UPRT: variants seen among roughly 807,000 people sequenced by gnomAD.
The protein encoded by UPRT is uracil phosphoribosyltransferase homolog.
Under a neutral mutation model 22.6 loss-of-function variants are expected in UPRT, and 5 were observed. That is an observed-to-expected ratio of 0.22 (90% CI 0.12 to 0.47). The LOEUF (loss-of-function observed/expected upper bound fraction) is 0.47, where lower values mean the gene tolerates loss of function less well. Ranked by LOEUF, UPRT falls within the 20% of genes least tolerant of loss-of-function variation. The pLI is 0.99. For synonymous variants in UPRT, 77 were observed against 87.7 expected (o/e 0.88, Z 0.68); for missense variants, 181 against 239.9 (o/e 0.75, Z 1.62).
At chrX:75,178,350 C>A (rs746985648) in intron 4 of UPRT, among the ~76,000 whole-genome samples, 9 of 111,731 alleles carry the variant, frequency 8.1e-5, no homozygotes, top group Non-Finnish European at 1.7e-4. Flanking sequence ...CACTGCTTGG[C>A]GATAGGCGAA....
chrX:75,292,485 T>C (rs1470285125), intron 1 of UPRT, among the ~76,000 whole-genome samples: 2 of 111,986 alleles, frequency 1.8e-5, no homozygotes, highest in African/African-American at 6.5e-5. Context: ...GCCATTTGTG[T>C]CAGGGCTATT....
In UPRT at chrX:75,294,140, G is replaced by C. The variant is rs189029484; in HGVS notation, c.429+626G>C. 1.5e-3 allele frequency among the ~76,000 whole-genome samples: 167 copies of C among 110,917 alleles called. 2 individuals are homozygous for C. The East Asian group carries it at 0.021, about 14-fold the overall frequency. On this transcript the variant is annotated intron_variant, in intron 2 of 6. Coordinates refer to ENST00000373383, the MANE Select transcript of UPRT (RefSeq NM_145052.4). ...TTGTGTTAATATCTAAGCATGCTTA[G>C]TGCTTGAAGTGAGGTTGACATGTTT...
intron 4 of UPRT, among the ~76,000 whole-genome samples, chrX:75,226,552 C>A (rs933190861): frequency 9.0e-6 from 1 of 111,574 alleles, no homozygotes; most frequent in African/African-American, 3.3e-5. Flanking sequence ...AACACACTAA[C>A]CTCACATTTA....
intron 6 of UPRT, 67 bp downstream of exon 6, chrX:75,301,032 T>C (rs774060239): frequency 9.0e-6 from 7 of 776,753 alleles, no homozygotes; most frequent in Non-Finnish European, 1.1e-5. Flanking sequence ...ATGCATTTTC[T>C]AGCTTCTAAT....
intron 1 of UPRT, among the ~76,000 whole-genome samples, chrX:75,292,222 G>A (rs1271125674): frequency 9.0e-6 from 1 of 111,701 alleles, no homozygotes; most frequent in African/African-American, 3.3e-5. Flanking sequence ...TTCACTGAGT[G>A]AAGATTAATT....
At chrX:75,254,936 C>T (rs947095366) in intron 4 of UPRT, among the ~76,000 whole-genome samples, 18 of 109,578 alleles carry the variant, frequency 1.6e-4, no homozygotes, top group Admixed American at 2.9e-4. Context: ...CCACCGCACC[C>T]GGCTAATTTT....
At chrX:75,283,878 C>G (rs1411392655) in intron 1 of UPRT, among the ~76,000 whole-genome samples, 1 of 111,803 alleles carries the variant, frequency 8.9e-6, no homozygotes, top group African/African-American at 3.3e-5. Context: ...AATTATTCCC[C>G]CAAATGTGTT....
intron 4 of UPRT, among the ~76,000 whole-genome samples, chrX:75,236,299 G>A (rs1314707357): frequency 9.0e-6 from 1 of 111,289 alleles, no homozygotes; most frequent in East Asian, 2.8e-4. Flanking sequence ...AAATAAAAGA[G>A]GATACAAACA....
intron 4 of UPRT, among the ~76,000 whole-genome samples, chrX:75,177,103 T>C (rs1278089544): frequency 9.0e-6 from 1 of 110,796 alleles, no homozygotes; most frequent in East Asian, 2.9e-4. Flanking sequence ...CCCAAGAACC[T>C]GCAATGGTCC....
chrX:75,193,296 T>C (rs1307768624), intron 4 of UPRT, among the ~76,000 whole-genome samples: 2 of 112,356 alleles, frequency 1.8e-5, no homozygotes, highest in Non-Finnish European at 3.8e-5. Flanking sequence ...AGACCACCAA[T>C]CTCTTCTGGC....
intron 4 of UPRT, among the ~76,000 whole-genome samples, chrX:75,182,716 A>T (rs1466612471): frequency 9.0e-6 from 1 of 111,649 alleles, no homozygotes; most frequent in African/African-American, 3.3e-5. Flanking sequence ...ATTTCTGATT[A>T]TGTTTATTTG....
At chrX:75,191,256 T>G (rs770927997) in intron 4 of UPRT, among the ~76,000 whole-genome samples, 1 of 112,463 alleles carries the variant, frequency 8.9e-6, no homozygotes, top group East Asian at 2.8e-4. Flanking sequence ...CAGACCCTGT[T>G]TGCCTGGTTA....
At chrX:75,249,979 A>G (rs1039327453) in intron 4 of UPRT, among the ~76,000 whole-genome samples, 5 of 111,942 alleles carry the variant, frequency 4.5e-5, no homozygotes, top group Admixed American at 2.9e-4. Flanking sequence ...ATAACGAAAC[A>G]AAGGCAGAAA....
chrX:75,250,917 C>T (rs1016856303), intron 4 of UPRT, among the ~76,000 whole-genome samples: 1 of 111,734 alleles, frequency 8.9e-6, no homozygotes, highest in African/African-American at 3.3e-5. Flanking sequence ...ATATGCAAAT[C>T]AATAAACGTA....
At chrX:75,205,632 G>C (rs2082363662) in intron 4 of UPRT, among the ~76,000 whole-genome samples, 1 of 111,422 alleles carries the variant, frequency 9.0e-6, no homozygotes, top group African/African-American at 3.3e-5. Flanking sequence ...TGTGGGAGTA[G>C]TTAAGATAAC....
intron 1 of UPRT, among the ~76,000 whole-genome samples, chrX:75,283,254 G>A (rs747132115): frequency 9.0e-6 from 1 of 111,676 alleles, no homozygotes; most frequent in Non-Finnish European, 1.9e-5. Flanking sequence ...TTTAAGTGGA[G>A]CATTTAGGCC....
At chrX:75,173,182 T>C (rs1293471034) in intron 4 of UPRT, among the ~76,000 whole-genome samples, 1 of 112,309 alleles carries the variant, frequency 8.9e-6, no homozygotes, top group Non-Finnish European at 1.9e-5. Context: ...TGTCGATTGG[T>C]GCATTCACAA....
intron 4 of UPRT, among the ~76,000 whole-genome samples, chrX:75,184,170 G>C (rs1319274792): frequency 1.2e-4 from 13 of 111,244 alleles, no homozygotes; most frequent in Non-Finnish European, 2.5e-4. Context: ...GAACGTTTAA[G>C]TCTTTAATCC....
Position 75,284,963 on chromosome X carries a change from C to T in UPRT, c.387-8509C>T, listed in dbSNP as rs745571649. On this transcript the variant is annotated intron_variant, in intron 1 of 6. Coordinates refer to ENST00000373383, the MANE Select transcript of UPRT (RefSeq NM_145052.4). ...GTCTGAGCTCAGGCTGTCCTTGGGCCGGTCTTGCTGTGGCTGCCGTAGGGG... is the reference window on the plus strand; with the variant it reads ...GTCTGAGCTCAGGCTGTCCTTGGGCTGGTCTTGCTGTGGCTGCCGTAGGGG... Among the ~76,000 whole-genome samples the T allele has an allele frequency of 2.9e-3, 321 of 110,748 alleles. 1 individual carries two copies. The highest frequency in any genetic ancestry group is 3.9e-3 in the Admixed American group (41 of 10,455).
Sources: allele counts gnomAD v4.1 joint callset (sites outside exome capture counted in the v4.1 genomes callset), GRCh38; gene constraint gnomAD v4.1.1; transcripts MANE v1.5; gene names NCBI Gene and HGNC (gene_info 2026-07-23, HGNC 2026-07-21).